The following CNTNAP5 variants were observed in gnomAD, a reference collection of about 807,000 sequenced individuals.
The protein encoded by CNTNAP5 is contactin associated protein family member 5.
A neutral mutation model predicts 150.2 loss-of-function variants in CNTNAP5; 72 were observed. That is an observed-to-expected ratio of 0.48 (90% CI 0.40 to 0.58). CNTNAP5 has a LOEUF of 0.58. Among genes scored for constraint, CNTNAP5 ranks in the 20% least tolerant of loss-of-function variants. The pLI is 0.00. For synonymous variants in CNTNAP5, 672 were observed against 619.8 expected, an observed-to-expected ratio of 1.08 and a Z score of -1.25; for missense variants, 1,636 against 1,626.2, an observed-to-expected ratio of 1.01 and a Z score of -0.10.
chr2:124,917,564 CA>C lies in CNTNAP5; in HGVS notation c.*3278del, dbSNP rs562935227. 4.9e-4 allele frequency among the ~76,000 whole-genome samples: 74 copies of C among 152,164 alleles called. No homozygotes were observed. The highest frequency in any genetic ancestry group is 1.7e-3 in the African/African-American group (71 of 41,560). ...GGATCCTAGCGGTGATGTTTTAAAA[CA>C]ACTTTTTTCCTCTCCTTAGTAATAA... On this transcript the variant is annotated 3_prime_UTR_variant, in exon 24 of 24. Transcript: ENST00000682447.
intron 16 of CNTNAP5, among the ~76,000 whole-genome samples, chr2:124,769,835 T>C (rs1681152768): frequency 1.3e-5 from 2 of 152,148 alleles, no homozygotes; most frequent in South Asian, 4.1e-4. Context: ...CTTACTTAGG[T>C]ACAGCTTACT....
intron 3 of CNTNAP5, among the ~76,000 whole-genome samples, chr2:124,261,060 G>C (rs1237968628): frequency 6.6e-6 from 1 of 152,034 alleles, no homozygotes; most frequent in African/African-American, 2.4e-5. Flanking sequence ...GAAATGGCAA[G>C]GAGTTCTATG....
At chr2:124,881,704 A>G (rs1285692762) in intron 21 of CNTNAP5, among the ~76,000 whole-genome samples, 3 of 152,086 alleles carry the variant, frequency 2.0e-5, no homozygotes, top group Non-Finnish European at 4.4e-5. Context: ...GATCTCTCCC[A>G]GCCTTGAATT....
rs542990394 is a variant in CNTNAP5, at chr2:124,578,185, C to T, written c.1756+14862C>T. Among the ~76,000 whole-genome samples the T allele has an allele frequency of 1.4e-4, 21 of 148,446 alleles. No homozygotes were observed. In the South Asian group the frequency reaches 2.6e-3, roughly 18 times the overall value. ...AAAAAAAAAAAAAAAAAAAAATTAGCCGGGCATGGTGGCAGGCACCTGTAA... is the reference window on the plus strand; with the variant it reads ...AAAAAAAAAAAAAAAAAAAAATTAGTCGGGCATGGTGGCAGGCACCTGTAA... On this transcript the variant is annotated intron_variant, in intron 11 of 23. Transcript: ENST00000682447.
At chr2:124,866,412 A>G (rs769565040) in intron 20 of CNTNAP5, among the ~76,000 whole-genome samples, 1 of 152,212 alleles carries the variant, frequency 6.6e-6, no homozygotes, top group Non-Finnish European at 1.5e-5. Context: ...AGGAAGACGC[A>G]TGGGCAAAGA....
chr2:124,715,785 AAAG>A (rs1197568309), intron 13 of CNTNAP5, among the ~76,000 whole-genome samples: 2 of 152,160 alleles, frequency 1.3e-5, no homozygotes, highest in Non-Finnish European at 2.9e-5. Context: ...GTTGCTATAG[AAAG>A]AAGGAGATTG....
chr2:124,665,638 G>C (rs1377938810), intron 13 of CNTNAP5, among the ~76,000 whole-genome samples: 1 of 152,174 alleles, frequency 6.6e-6, no homozygotes, highest in African/African-American at 2.4e-5. Flanking sequence ...TGTAATCCCA[G>C]CACTTTGGGA....
intron 13 of CNTNAP5, among the ~76,000 whole-genome samples, chr2:124,649,624 C>T (rs1678277897): frequency 6.6e-6 from 1 of 152,156 alleles, no homozygotes; most frequent in Admixed American, 6.5e-5. Flanking sequence ...AGTGGGAGGG[C>T]ACGGGTTTGG....
chr2:124,338,650 T>A (rs1689534346), intron 3 of CNTNAP5, among the ~76,000 whole-genome samples: 1 of 152,126 alleles, frequency 6.6e-6, no homozygotes, highest in Non-Finnish European at 1.5e-5. Flanking sequence ...CAATTGCAAT[T>A]TTCTTTAGAA....
chr2:124,803,112 C>CA (rs762676238), intron 19 of CNTNAP5, among the ~76,000 whole-genome samples: 1,810 of 102,266 alleles, frequency 0.018, 36 homozygotes, highest in African/African-American at 0.046. Flanking sequence ...AAGACTCCTT[C>CA]AAAAAAAAAA....
At chr2:124,608,673 G>A (rs554582157) in intron 11 of CNTNAP5, among the ~76,000 whole-genome samples, 22 of 152,282 alleles carry the variant, frequency 1.4e-4, no homozygotes, top group Non-Finnish European at 2.8e-4. Flanking sequence ...TGGGCCAGGC[G>A]CAGTGGTTCA....
intron 7 of CNTNAP5, among the ~76,000 whole-genome samples, chr2:124,503,231 G>T (rs1326162329): frequency 2.0e-5 from 3 of 152,226 alleles, no homozygotes; most frequent in African/African-American, 7.2e-5. Flanking sequence ...ACTGGTAGAA[G>T]TTTGGGGACT....
intron 1 of CNTNAP5, among the ~76,000 whole-genome samples, chr2:124,213,222 T>C (rs1686065150): frequency 6.6e-6 from 1 of 152,154 alleles, no homozygotes; most frequent in African/African-American, 2.4e-5. Context: ...GTAAGTATTT[T>C]TGAAGGCAAC....
At chr2:124,384,560 T>C (rs895718716) in intron 3 of CNTNAP5, among the ~76,000 whole-genome samples, 1 of 152,184 alleles carries the variant, frequency 6.6e-6, no homozygotes, top group Non-Finnish European at 1.5e-5. Context: ...AAAAGGCACA[T>C]TACCTTCATT....
At position 124,772,998 on chromosome 2, in the gene CNTNAP5, G is replaced by A; in HGVS notation, c.2733G>A (p.Leu911=). The change falls in exon 17 of 24, where the codon CTG becomes CTA. Residue 911 remains leucine, a synonymous_variant. Coordinates refer to ENST00000682447, the MANE Select transcript of CNTNAP5 (RefSeq NM_001367498.1). ...AGGAGGGCCATTTTCGACTGCAGCT[G>A]AACAGCCAGTTGTTTGTAGGTAGGG... ...TSEEGHFRLQ[L]NSQLFVGGTS... is the part of the protein sequence containing the mutation. 6.2e-7 allele frequency: 1 copy of A among 1,613,056 alleles called. No individual in the cohort carries two copies. Among genetic ancestry groups the A allele is most frequent in the Non-Finnish European group, 8.5e-7 (1 of 1,179,642 alleles).
In CNTNAP5 at chr2:124,407,588, A is replaced by T. The variant is rs543705093; in HGVS notation, c.382-9855A>T. Among the ~76,000 whole-genome samples, 8 of 152,312 alleles carry T rather than the reference A, an allele frequency of 5.3e-5. No individual in the cohort carries two copies. In the South Asian group the frequency reaches 1.7e-3, roughly 32 times the overall value. On this transcript the variant is annotated intron_variant, in intron 3 of 23. Transcript: ENST00000682447. ...ACCCTTCTTCACAGGGGAAAGGGAGATGGCAGAAATGTGGTAATTTTGAAG... is the reference window on the plus strand; with the variant it reads ...ACCCTTCTTCACAGGGGAAAGGGAGTTGGCAGAAATGTGGTAATTTTGAAG...
intron 10 of CNTNAP5, among the ~76,000 whole-genome samples, chr2:124,539,706 G>A (rs971054174): frequency 1.3e-5 from 2 of 152,190 alleles, no homozygotes; most frequent in African/African-American, 2.4e-5. Flanking sequence ...AGTTAAAAGC[G>A]AGAGAGACAG....
chr2:124,437,332 T>C (rs1692556716), intron 5 of CNTNAP5, among the ~76,000 whole-genome samples: 1 of 152,304 alleles, frequency 6.6e-6, no homozygotes, highest in South Asian at 2.1e-4. Flanking sequence ...ATATTCACAG[T>C]GTGGTAATGT....
Position 124,608,045 on chromosome 2 carries a change from G to A in CNTNAP5, c.1757-1756G>A, listed in dbSNP as rs76618932. On this transcript the variant is annotated intron_variant, in intron 11 of 23. Transcript: ENST00000682447. The stretch of plus-strand genomic sequence containing the variant: ...TTTATAAAAAGTCAAACCCTCTCAG[G>A]CTTCATAACTTTCCTGGTAATAAAT... Among the ~76,000 whole-genome samples, 1,154 of 152,216 alleles carry A rather than the reference G, an allele frequency of 7.6e-3. 15 individuals carry two copies. The highest frequency in any genetic ancestry group is 0.027 in the African/African-American group (1,106 of 41,520).
Sources: allele counts gnomAD v4.1 joint callset (sites outside exome capture counted in the v4.1 genomes callset), GRCh38; gene constraint gnomAD v4.1.1; transcripts MANE v1.5; gene names NCBI Gene and HGNC (gene_info 2026-07-23, HGNC 2026-07-21).